ST7: variants seen among roughly 807,000 people sequenced by gnomAD.
ST7 encodes the protein suppressor of tumorigenicity 7 protein.
Under a neutral mutation model 78.7 loss-of-function variants are expected in ST7, and 28 were observed. That is an observed-to-expected ratio of 0.36 (90% CI 0.26 to 0.49). The LOEUF is 0.49. Among genes scored for constraint, ST7 ranks in the 20% least tolerant of loss-of-function variants. The pLI, the probability that ST7 is intolerant of heterozygous loss-of-function variation, is 0.99. For synonymous variants in ST7, 247 were observed against 249.6 expected (o/e 0.99, Z 0.10); for missense variants, 418 against 696.0 (o/e 0.60, Z 4.49).
At chr7:117,194,340 G>A (rs1000823806) in intron 12 of ST7, among the ~76,000 whole-genome samples, 4 of 152,070 alleles carry the variant, frequency 2.6e-5, no homozygotes, top group Non-Finnish European at 4.4e-5. Flanking sequence ...ATAACTATTT[G>A]TTCATCATTC....
intron 1 of ST7, among the ~76,000 whole-genome samples, chr7:117,060,664 A>AT (rs565878178): frequency 3.9e-5 from 6 of 152,244 alleles, no homozygotes; most frequent in East Asian, 1.9e-4. Flanking sequence ...ATATATATCA[A>AT]TTTTTTTCTC....
At chr7:117,185,752 G>C (rs1438870416) in intron 10 of ST7, among the ~76,000 whole-genome samples, 16 of 152,018 alleles carry the variant, frequency 1.1e-4, no homozygotes, top group Non-Finnish European at 2.2e-4. Flanking sequence ...GTGAAACCCT[G>C]TCTCTACTAA....
intron 1 of ST7, among the ~76,000 whole-genome samples, chr7:116,990,149 G>T (rs572009408): frequency 3.9e-5 from 6 of 152,194 alleles, no homozygotes; most frequent in African/African-American, 1.4e-4. Flanking sequence ...TGTTAGCCAG[G>T]ATTATCTCAA....
At chr7:117,215,688 C>T (rs1313994650) in intron 13 of ST7, among the ~76,000 whole-genome samples, 3 of 152,218 alleles carry the variant, frequency 2.0e-5, no homozygotes, top group Non-Finnish European at 4.4e-5. Context: ...ATTATGTACA[C>T]ACAGCACCAT....
chr7:117,172,037 A>G (rs112736388), intron 10 of ST7, among the ~76,000 whole-genome samples: 3,257 of 151,656 alleles, frequency 0.021, 118 homozygotes, highest in African/African-American at 0.075. Flanking sequence ...TATAACCTTG[A>G]ACTCCTGGGT....
rs537308646 is a variant in ST7 at position 117,056,048 on chromosome 7, G to A, written c.152-43714G>A. On this transcript the variant is annotated intron_variant, in intron 1 of 15. Coordinates refer to ENST00000323984, the MANE Select transcript of ST7 (RefSeq NM_001369598.1). ...AGGCCAGTCTTGTTTGTCTTTTCAC[G>A]TTTTTCTGCCTGGTTTATATTCACT... Among the ~76,000 whole-genome samples the A allele has an allele frequency of 1.2e-4, 19 of 152,124 alleles. No homozygotes were observed. The East Asian group carries it at 1.9e-3, about 15-fold the overall frequency.
rs540082748 is a variant in ST7 at position 117,054,574 on chromosome 7, T to G, written c.152-45188T>G. ...AGAATATAAGTGAATTCTGCCTTTG[T>G]TAGGCCATTCCTTTATCACACTTTG... On this transcript the variant is annotated intron_variant, in intron 1 of 15. Coordinates refer to ENST00000323984, the MANE Select transcript of ST7 (RefSeq NM_001369598.1). Among the ~76,000 whole-genome samples, 7 of 152,360 alleles carry G rather than the reference T, an allele frequency of 4.6e-5. No individual in the cohort carries two copies. The South Asian group carries it at 1.2e-3, about 27-fold the overall frequency.
At chr7:116,966,188 T>C (rs1288190710) in intron 1 of ST7, 1 of 348,872 alleles carries the variant, frequency 2.9e-6, no homozygotes, top group Non-Finnish European at 5.9e-6. Context: ...TGGATTACAC[T>C]TATTTGTTGC....
intron 1 of ST7, among the ~76,000 whole-genome samples, chr7:117,097,656 T>TG (rs1275220253): frequency 6.6e-6 from 1 of 150,834 alleles, no homozygotes. Context: ...ACAGGGAATG[T>TG]GGGGTCACTC....
intron 1 of ST7, among the ~76,000 whole-genome samples, chr7:116,976,859 C>G (rs1793730529): frequency 6.6e-6 from 1 of 152,212 alleles, no homozygotes; most frequent in African/African-American, 2.4e-5. Context: ...TGTTACCCAA[C>G]TTCAACATTC....
At chr7:117,048,241 G>A (rs1172756405) in intron 1 of ST7, among the ~76,000 whole-genome samples, 1 of 152,038 alleles carries the variant, frequency 6.6e-6, no homozygotes, top group Non-Finnish European at 1.5e-5. Context: ...AGGCAGGAGA[G>A]GCAGGGACAT....
At chr7:117,207,895 T>G (rs546039087) in intron 12 of ST7, among the ~76,000 whole-genome samples, 3 of 152,304 alleles carry the variant, frequency 2.0e-5, no homozygotes, top group Admixed American at 2.0e-4. Flanking sequence ...CAACTTACTC[T>G]GGAACAATTA....
intron 9 of ST7, among the ~76,000 whole-genome samples, chr7:117,140,021 G>A (rs1021397591): frequency 6.6e-6 from 1 of 152,202 alleles, no homozygotes; most frequent in African/African-American, 2.4e-5. Context: ...GAACAGGCAT[G>A]CATTGAGGAG....
At chr7:116,993,625 A>G (rs1376081149) in intron 1 of ST7, among the ~76,000 whole-genome samples, 1 of 152,264 alleles carries the variant, frequency 6.6e-6, no homozygotes, top group Non-Finnish European at 1.5e-5. Flanking sequence ...TCTTGACTTA[A>G]TCATCTTGGA....
intron 1 of ST7, among the ~76,000 whole-genome samples, chr7:117,060,601 C>A (rs1584542502): frequency 6.6e-6 from 1 of 152,118 alleles, no homozygotes; most frequent in African/African-American, 2.4e-5. Flanking sequence ...TAAAGTAATT[C>A]TATTAAAATG....
At chr7:117,002,764 A>G (rs1377241744) in intron 1 of ST7, among the ~76,000 whole-genome samples, 1 of 146,700 alleles carries the variant, frequency 6.8e-6, no homozygotes, top group Non-Finnish European at 1.5e-5. Flanking sequence ...TTATGATTTT[A>G]TATGATTAAG....
rs561070886 is a variant in ST7 at position 117,099,268 on chromosome 7, C to T, written c.152-494C>T. ...CCAACCTAATAACTTGTCAATTTGTCCTTCCTTCTTAGGGGTAACCATAGT... is the reference window on the plus strand; with the variant it reads ...CCAACCTAATAACTTGTCAATTTGTTCTTCCTTCTTAGGGGTAACCATAGT... On this transcript the variant is annotated intron_variant, in intron 1 of 15. Transcript: ENST00000323984. Among the ~76,000 whole-genome samples, 4 of 152,088 alleles carry T rather than the reference C, an allele frequency of 2.6e-5. No homozygotes were observed. The South Asian group carries it at 6.2e-4, about 24-fold the overall frequency.
intron 5 of ST7, 55 bp downstream of exon 5, chr7:117,130,661 A>C (rs3808218): frequency 0.22 from 288,708 of 1,331,700 alleles, 33,386 homozygotes; most frequent in South Asian, 0.29. Flanking sequence ...CTTAAGTGTC[A>C]AGATTTCTGC....
intron 2 of ST7, among the ~76,000 whole-genome samples, chr7:117,119,115 A>G (rs1380299802): frequency 6.6e-6 from 1 of 151,912 alleles, no homozygotes; most frequent in Non-Finnish European, 1.5e-5. Flanking sequence ...CCCCGCCCCT[A>G]CCCCGATTTT....
Sources: gnomAD v4.1 joint callset for allele counts (sites outside exome capture counted in the v4.1 genomes callset) on GRCh38, gnomAD v4.1.1 for gene constraint, MANE v1.5 for transcripts, NCBI Gene and HGNC (gene_info 2026-07-23, HGNC 2026-07-21) for gene names.